Variants in ARID1B observed in about 807,000 individuals in gnomAD.
ARID1B encodes the protein AT-rich interaction domain 1B.
A neutral mutation model predicts 212.3 loss-of-function variants in ARID1B; 30 were observed. That is an observed-to-expected ratio of 0.14 (90% CI 0.11 to 0.19). The LOEUF (loss-of-function observed/expected upper bound fraction) is 0.19, where lower values mean the gene tolerates loss of function less well. Ranked by LOEUF, ARID1B falls within the 10% of genes least tolerant of loss-of-function variation. The probability of loss-of-function intolerance (pLI) is 1.00; values close to 1 mark genes in which losing one functional copy is unlikely to be tolerated. For synonymous variants in ARID1B, 1,402 were observed against 1,301.7 expected (o/e 1.08, Z -1.66); for missense variants, 2,891 against 3,204.0 (o/e 0.90, Z 2.36).
intron 1 of ARID1B, among the ~76,000 whole-genome samples, chr6:156,819,650 G>C (rs1328327464): frequency 3.3e-5 from 5 of 152,120 alleles, no homozygotes; most frequent in Non-Finnish European, 7.3e-5. Flanking sequence ...GCTATAAATG[G>C]GTTCAATACT....
chr6:157,188,014 C>G (rs1793099778), intron 13 of ARID1B, among the ~76,000 whole-genome samples: 1 of 152,042 alleles, frequency 6.6e-6, no homozygotes, highest in Non-Finnish European at 1.5e-5. Context: ...TTCCTTTACT[C>G]CAATATACCT....
intron 3 of ARID1B, among the ~76,000 whole-genome samples, chr6:156,904,879 A>G (rs1025789829): frequency 1.3e-5 from 2 of 152,272 alleles, no homozygotes; most frequent in Non-Finnish European, 2.9e-5. Context: ...CGTTTGAAAC[A>G]TAATGAATTT....
In ARID1B at chr6:157,200,712, A is replaced by G. The variant is rs778062751; in HGVS notation, c.4487A>G (p.Lys1496Arg). Residue 1496 changes from lysine to arginine, a missense_variant, in exon 18 of 20, where the codon AAA becomes AGA. This residue lies in a region of ARID1B where 666 missense variants were observed against 873.5 expected (regional missense o/e 0.76). Transcript: ENST00000636930. The surrounding 1 kb of genome is among the most constrained non-coding windows in gnomAD (Gnocchi z 4.3). Reference protein sequence around the residue: ...PGLYPQQPNYKRHMDGMYGPP... With the variant: ...PGLYPQQPNYRRHMDGMYGPP... ...TCTTTCTGTGAATTCCAGAATTACA[A>G]ACGCCATATGGACGGCATGTACGGG... 4 of 1,596,190 alleles carry G rather than the reference A, an allele frequency of 2.5e-6. No homozygotes were observed. Among genetic ancestry groups the G allele is most frequent in the Non-Finnish European group, 2.6e-6 (3 of 1,171,198 alleles).
At chr6:156,881,524 T>C (rs948847499) in intron 2 of ARID1B, among the ~76,000 whole-genome samples, 2 of 152,210 alleles carry the variant, frequency 1.3e-5, no homozygotes, top group East Asian at 3.8e-4. Context: ...TCTGCACAAA[T>C]GGCATATTGT....
chr6:156,804,867 CAAAAAAA>C lies in ARID1B; in HGVS notation c.1792-24344_1792-24338del, dbSNP rs61315445. On this transcript the variant is annotated intron_variant, in intron 1 of 19. Transcript: ENST00000636930. The stretch of plus-strand genomic sequence containing the variant: ...ACTAAGAGAGATGTGATCTGATTGG[CAAAAAAA>C]AAAAAAAAAAAAAAAGAAATTGGCC... 5.6e-4 allele frequency among the ~76,000 whole-genome samples: 48 copies of C among 85,114 alleles called. 1 individual carries two copies. The highest frequency in any genetic ancestry group is 2.5e-3 in the Admixed American group (18 of 7,180). The allele number at this position is 85,114 out of a possible 152,430, so 55.8% of individuals were successfully genotyped here.
chr6:156,813,018 ACG>A (rs1211699712), intron 1 of ARID1B, among the ~76,000 whole-genome samples: 15 of 144,674 alleles, frequency 1.0e-4, no homozygotes, highest in African/African-American at 3.7e-4. Context: ...ATATACACAT[ACG>A]TATGTATATA....
Position 156,901,260 on chromosome 6 carries a change from T to C in ARID1B, c.1987-116T>C, listed in dbSNP as rs529998999. ...TTTAAGGAAGAGAGGATTAGAAATA[T>C]TGAGTTTAGTTGCTTAGCAGAGAAC... is the stretch of plus-strand genomic sequence containing the variant. On this transcript the variant is annotated intron_variant, in intron 2 of 19. Coordinates refer to ENST00000636930, the MANE Select transcript of ARID1B (RefSeq NM_001374828.1). 51 of 1,140,396 alleles carry C rather than the reference T, an allele frequency of 4.5e-5. No individual in the cohort carries two copies. The African/African-American group carries it at 5.5e-4, about 12-fold the overall frequency. 70.6% of individuals were successfully genotyped at this position (1,140,396 alleles called of 1,614,324 possible). A position where few individuals can be genotyped will look rare whatever the true frequency, so the allele number is the denominator to read the frequency against.
intron 6 of ARID1B, among the ~76,000 whole-genome samples, chr6:157,130,781 A>G (rs1393659499): frequency 3.3e-5 from 5 of 152,058 alleles, no homozygotes; most frequent in Admixed American, 3.3e-4. Flanking sequence ...GCCTCAGTGG[A>G]TTTTCTTTCG....
chr6:157,065,490 T>C (rs1207603495), intron 4 of ARID1B, among the ~76,000 whole-genome samples: 3 of 152,262 alleles, frequency 2.0e-5, no homozygotes, highest in Non-Finnish European at 4.4e-5. Flanking sequence ...TACTTTCAAA[T>C]ACATCAAGCA....
intron 2 of ARID1B, among the ~76,000 whole-genome samples, chr6:156,869,328 T>G (rs2128140997): frequency 6.6e-6 from 1 of 152,370 alleles, no homozygotes. Context: ...TCATTCATCT[T>G]CTGTTGCCTC....
intron 4 of ARID1B, chr6:156,938,495 T>C (rs1792432015): frequency 6.6e-6 from 1 of 152,214 alleles, no homozygotes; most frequent in Non-Finnish European, 1.5e-5. Flanking sequence ...TTGAAACCTG[T>C]AGTTTTGTAA....
chr6:156,916,720 C>T (rs1283678227), intron 3 of ARID1B, among the ~76,000 whole-genome samples: 1 of 151,252 alleles, frequency 6.6e-6, no homozygotes, highest in African/African-American at 2.5e-5. Flanking sequence ...ACCTTTCTCT[C>T]TCCTCCTAGT....
chr6:156,809,713 GAAAAAAAAAAA>G (rs370188789), intron 1 of ARID1B, among the ~76,000 whole-genome samples: 2 of 104,452 alleles, frequency 1.9e-5, no homozygotes, highest in East Asian at 4.1e-4. Context: ...CTTTTTCAAA[GAAAAAAAAAAA>G]AAAAAAAAAA....
At chr6:157,046,582 C>T (rs995289319) in intron 4 of ARID1B, among the ~76,000 whole-genome samples, 1 of 152,132 alleles carries the variant, frequency 6.6e-6, no homozygotes, top group Non-Finnish European at 1.5e-5. Context: ...ATTGGAAGTA[C>T]AAGTGTTTTA....
At chr6:156,810,559 C>A (rs1460901059) in intron 1 of ARID1B, among the ~76,000 whole-genome samples, 1 of 152,244 alleles carries the variant, frequency 6.6e-6, no homozygotes, top group Non-Finnish European at 1.5e-5. Flanking sequence ...CAGACAATGG[C>A]AACCAAACCT....
intron 4 of ARID1B, among the ~76,000 whole-genome samples, chr6:156,969,832 A>C (rs1776795269): frequency 1.3e-5 from 2 of 152,054 alleles, no homozygotes; most frequent in South Asian, 4.1e-4. Flanking sequence ...CTAGTAACTT[A>C]GAAGGCTCAA....
chr6:156,824,491 G>T (rs561456028), intron 1 of ARID1B, among the ~76,000 whole-genome samples: 1 of 152,208 alleles, frequency 6.6e-6, no homozygotes, highest in African/African-American at 2.4e-5. Context: ...TTGGCCAGGC[G>T]CAGCGGCTCA....
chr6:156,965,879 C>A (rs1273846741), intron 4 of ARID1B, among the ~76,000 whole-genome samples: 1 of 152,148 alleles, frequency 6.6e-6, no homozygotes, highest in African/African-American at 2.4e-5. Flanking sequence ...GATTAGACTT[C>A]TGAAATTTTG....
chr6:157,092,900 A>G (rs1272757974), intron 5 of ARID1B, among the ~76,000 whole-genome samples: 1 of 151,958 alleles, frequency 6.6e-6, no homozygotes, highest in Non-Finnish European at 1.5e-5. Context: ...CCACTTCTCC[A>G]TTATTTTTTT....
Sources: gnomAD v4.1 joint callset for allele counts (sites outside exome capture counted in the v4.1 genomes callset) on GRCh38, gnomAD v4.1.1 for gene constraint, gnomAD v4.1.1 regional missense constraint, Gnocchi (gnomAD v3.1) non-coding constraint, MANE v1.5 for transcripts, NCBI Gene and HGNC (gene_info 2026-07-23, HGNC 2026-07-21) for gene names.